The following TNKS variants were observed in gnomAD, a reference collection of about 807,000 sequenced individuals.
TNKS encodes poly [ADP-ribose] polymerase tankyrase-1.
TNKS carries 72 observed loss-of-function variants against 135.8 expected under a neutral mutation model. The ratio of observed to expected loss-of-function variants is 0.53; its 90% CI spans 0.44 to 0.64. TNKS has a LOEUF of 0.64. TNKS is among the 30% of genes least tolerant of loss of function. The pLI is 0.00. For missense variants in TNKS, 1,769 were observed against 1,674.0 expected, an observed-to-expected ratio of 1.06 and a Z score of -0.99; for synonymous variants, 849 against 649.3, an observed-to-expected ratio of 1.31 and a Z score of -4.68.
intron 2 of TNKS, among the ~76,000 whole-genome samples, chr8:9,610,631 A>T (rs914062119): frequency 7.2e-5 from 11 of 152,130 alleles, no homozygotes; most frequent in African/African-American, 2.4e-4. Context: ...TTGGTCCTTT[A>T]TGTAATCCTA....
chr8:9,628,012 C>G lies in TNKS; in HGVS notation c.994+12335C>G, dbSNP rs535291951. ...CAATGGAGAAACATCCTGCTTCTTTCTAAGGCCACCTCTCGTCTACTTTTT... is the reference window on the plus strand; with the variant it reads ...CAATGGAGAAACATCCTGCTTCTTTGTAAGGCCACCTCTCGTCTACTTTTT... On this transcript the variant is annotated intron_variant, in intron 3 of 26. Transcript: ENST00000310430. 2.0e-5 allele frequency among the ~76,000 whole-genome samples: 3 copies of G among 152,332 alleles called. No individual in the cohort carries two copies. The East Asian group carries it at 5.8e-4, about 29-fold the overall frequency.
chr8:9,612,511 G>T (rs893021230), intron 2 of TNKS, among the ~76,000 whole-genome samples: 3 of 152,140 alleles, frequency 2.0e-5, no homozygotes, highest in African/African-American at 4.8e-5. Context: ...CCTATCTCTT[G>T]TTTTCGTATG....
At chr8:9,635,142 C>T (rs1428826274) in intron 3 of TNKS, among the ~76,000 whole-genome samples, 2 of 151,636 alleles carry the variant, frequency 1.3e-5, no homozygotes, top group East Asian at 1.9e-4. Flanking sequence ...TGCACTCCAG[C>T]CTGGACGACA....
At chr8:9,750,867 C>G (rs1405145969) in intron 18 of TNKS, among the ~76,000 whole-genome samples, 1 of 152,250 alleles carries the variant, frequency 6.6e-6, no homozygotes, top group Non-Finnish European at 1.5e-5. Context: ...GGCCTTTCAT[C>G]CCGCAGGGCT....
Position 9,733,300 on chromosome 8 carries a change from T to C in TNKS, c.2169T>C (p.Asn723=). 6.3e-7 allele frequency: 1 copy of C among 1,576,932 alleles called. No homozygotes were observed. The highest frequency in any genetic ancestry group is 8.6e-7 in the Non-Finnish European group (1 of 1,169,064). The stretch of plus-strand genomic sequence containing the variant: ...TTAGTGGCTTGGTGCCCCTTCATAA[T>C]GCCTGTTCATATGGACACTATGAGG... ...KDKGGLVPLH[N]ACSYGHYEVA... The change falls in exon 15 of 27, where the codon AAT becomes AAC. Residue 723 remains asparagine (N), a synonymous_variant. Transcript: ENST00000310430.
At chr8:9,603,826 G>A (rs568663974) in intron 2 of TNKS, among the ~76,000 whole-genome samples, 6 of 152,060 alleles carry the variant, frequency 3.9e-5, no homozygotes, top group African/African-American at 1.5e-4. Context: ...AGGATATTAA[G>A]AGAGAACAGA....
At chr8:9,556,701 A>T in intron 1 of TNKS, 89 bp downstream of exon 1, 1 of 1,467,536 alleles carries the variant, frequency 6.8e-7, no homozygotes, top group Non-Finnish European at 9.4e-7. Flanking sequence ...GTGATGGGAC[A>T]AAGTGGGGGC....
rs1163101455 is a variant in TNKS, at chr8:9,764,719, C to T, written c.3376C>T (p.Gln1126Ter). The T allele has an allele frequency of 1.3e-6, 2 of 1,593,906 alleles. No homozygotes were observed. Among genetic ancestry groups the T allele is most frequent in the Non-Finnish European group, 1.7e-6 (2 of 1,173,322 alleles). Residue 1126 changes from glutamine (Q) to a stop codon, truncating the protein, a stop_gained, in exon 23 of 27, where the codon CAA (glutamine) becomes TAA (stop). Coordinates refer to ENST00000310430, the MANE Select transcript of TNKS (RefSeq NM_003747.3). LOFTEE classifies it high-confidence loss of function. ...AATTAGTTATTTTGTTCTGTAGATG[C>T]AAAGTACTATTCGAGAACACAGAGA... ...KEYQSVEEEM[Q>*]STIREHRDGG...
At position 9,781,388 on chromosome 8, in the gene TNKS, G is replaced by C. The variant is rs1416468733; in HGVS notation, c.*4652G>C. On this transcript the variant is annotated 3_prime_UTR_variant, in exon 27 of 27. Transcript: ENST00000310430. ...AAATGCAGTTGAACCCTGGTAGTGG[G>C]GTGTCCCTCACACACCCGCGCACCC... is the stretch of plus-strand genomic sequence containing the variant. 1 of 152,074 alleles carries C rather than the reference G, an allele frequency of 6.6e-6. No individual in the cohort carries two copies. Among genetic ancestry groups the C allele is most frequent in the Admixed American group, 6.6e-5 (1 of 15,256 alleles). The allele number at this position is 152,074 out of a possible 1,614,324, so 9.4% of individuals were successfully genotyped here. A position where few individuals can be genotyped will look rare whatever the true frequency, so the allele number is the denominator to read the frequency against.
intron 5 of TNKS, among the ~76,000 whole-genome samples, chr8:9,692,606 T>G (rs1377462656): frequency 6.6e-6 from 1 of 152,202 alleles, no homozygotes; most frequent in East Asian, 1.9e-4. Flanking sequence ...AGAGAAAGAC[T>G]CGTAATGGGA....
chr8:9,767,372 T>G (rs556606082), intron 25 of TNKS, among the ~76,000 whole-genome samples: 2 of 152,188 alleles, frequency 1.3e-5, no homozygotes, highest in African/African-American at 2.4e-5. Flanking sequence ...GTACAAAGAT[T>G]GGGATTTATT....
chr8:9,686,496 T>C (rs1378620307), intron 5 of TNKS, among the ~76,000 whole-genome samples: 2 of 152,164 alleles, frequency 1.3e-5, no homozygotes, highest in Non-Finnish European at 2.9e-5. Flanking sequence ...CTGAAATACC[T>C]GATTAAAAGA....
intron 3 of TNKS, among the ~76,000 whole-genome samples, chr8:9,675,171 C>T (rs996316695): frequency 3.3e-5 from 5 of 152,120 alleles, no homozygotes; most frequent in Admixed American, 6.5e-5. Context: ...GAATTCCTTC[C>T]ACAGCCACAT....
intron 2 of TNKS, among the ~76,000 whole-genome samples, chr8:9,590,736 C>G (rs1451281163): frequency 2.0e-5 from 3 of 152,148 alleles, no homozygotes; most frequent in African/African-American, 4.8e-5. Context: ...ATGTCTATTC[C>G]TATCTTTGTC....
At chr8:9,678,795 T>C (rs886842906) in intron 3 of TNKS, among the ~76,000 whole-genome samples, 3 of 152,230 alleles carry the variant, frequency 2.0e-5, no homozygotes, top group Non-Finnish European at 2.9e-5. Context: ...TTACTTAATA[T>C]TATTTCATAA....
chr8:9,709,936 G>C lies in TNKS; in HGVS notation c.1579-19G>C, dbSNP rs746825722. The C allele has an allele frequency of 4.4e-6, 7 of 1,596,522 alleles. No individual in the cohort carries two copies. The East Asian group carries it at 1.3e-4, about 31-fold the overall frequency. On this transcript the variant is annotated intron_variant, in intron 9 of 26. Coordinates refer to ENST00000310430, the MANE Select transcript of TNKS (RefSeq NM_003747.3). ...ATATGGAAGTGTATTTTATTAACTTGGTTTTGTTTACTTTATAGCACTGTG... is the reference window on the plus strand; with the variant it reads ...ATATGGAAGTGTATTTTATTAACTTCGTTTTGTTTACTTTATAGCACTGTG...
intron 17 of TNKS, among the ~76,000 whole-genome samples, chr8:9,739,002 T>A: frequency 6.6e-6 from 1 of 152,026 alleles, no homozygotes; most frequent in Non-Finnish European, 1.5e-5. Context: ...CAGTGGGGAC[T>A]TCATGTCCAA....
intron 3 of TNKS, among the ~76,000 whole-genome samples, chr8:9,649,878 CTTTTTTTTTTTTT>C (rs71201959): frequency 1.2e-5 from 1 of 83,364 alleles, no homozygotes; most frequent in African/African-American, 5.3e-5. Flanking sequence ...CTTTTCTTTT[CTTTTTTTTTTTTT>C]TTTTTTTTTT....
At chr8:9,566,593 C>CTTTTTT (rs538182381) in intron 1 of TNKS, 5 of 87,162 alleles carry the variant, frequency 5.7e-5, no homozygotes, top group East Asian at 3.9e-4. Context: ...TTAGCCCAGT[C>CTTTTTT]TTTTTTTTTT....
Sources: allele counts gnomAD v4.1 joint callset (sites outside exome capture counted in the v4.1 genomes callset), GRCh38; gene constraint gnomAD v4.1.1; transcripts MANE v1.5; gene names NCBI Gene and HGNC (gene_info 2026-07-23, HGNC 2026-07-21).